Variants in ADGB observed in about 807,000 individuals in gnomAD.
The protein encoded by ADGB is calpain-7-like protein.
Under a neutral mutation model 210.5 loss-of-function variants are expected in ADGB, and 172 were observed. The observed-to-expected ratio is 0.82, with a 90% confidence interval of 0.72 to 0.93. The LOEUF (loss-of-function observed/expected upper bound fraction) is 0.93. Among genes scored for constraint, ADGB ranks in the 40% least tolerant of loss-of-function variants. ADGB has a pLI of 0.00. For missense variants in ADGB, 2,025 were observed against 1,964.8 expected (o/e 1.03, Z -0.58); for synonymous variants, 658 against 662.7 (o/e 0.99, Z 0.11).
intron 7 of ADGB, among the ~76,000 whole-genome samples, chr6:146,669,348 C>T (rs1270903434): frequency 6.6e-6 from 1 of 151,366 alleles, no homozygotes; most frequent in Non-Finnish European, 1.5e-5. Context: ...TTGTTTTCCT[C>T]AGGAAAAAAA....
In ADGB at chr6:146,730,455, A is replaced by G. The variant is rs909600856; in HGVS notation, c.2520+1714A>G. Among the ~76,000 whole-genome samples, 7 of 152,204 alleles carry G rather than the reference A, an allele frequency of 4.6e-5. No homozygotes were observed. The South Asian group carries it at 8.3e-4, about 18-fold the overall frequency. On this transcript the variant is annotated intron_variant, in intron 20 of 35. Coordinates refer to ENST00000397944, the MANE Select transcript of ADGB (RefSeq NM_024694.4). The stretch of plus-strand genomic sequence containing the variant: ...ATGTAGTCTTCAAGGAAAAGACTCC[A>G]TATCACCTCTTGCCACACAACATAT...
At chr6:146,692,277 TA>T (rs1327381706) in intron 11 of ADGB, among the ~76,000 whole-genome samples, 1 of 152,170 alleles carries the variant, frequency 6.6e-6, no homozygotes, top group East Asian at 1.9e-4. Flanking sequence ...CTGTGTCCTT[TA>T]TTCATTGAGA....
At chr6:146,726,584 A>T (rs573839626) in intron 19 of ADGB, among the ~76,000 whole-genome samples, 1 of 152,162 alleles carries the variant, frequency 6.6e-6, no homozygotes, top group Non-Finnish European at 1.5e-5. Context: ...TTTTTATTTT[A>T]TACTCAACTT....
intron 1 of ADGB, among the ~76,000 whole-genome samples, chr6:146,633,328 G>T (rs978473982): frequency 1.3e-5 from 2 of 151,788 alleles, no homozygotes; most frequent in African/African-American, 4.8e-5. Flanking sequence ...TCTTCCTTTG[G>T]TCTTTTTCAA....
intron 21 of ADGB, 137 bp from the exon 22 acceptor site, chr6:146,733,756 C>A (rs114571985): frequency 6.4e-6 from 6 of 934,380 alleles, no homozygotes; most frequent in Non-Finnish European, 9.8e-6. Flanking sequence ...CACCTAGAGC[C>A]GGCAATATTA....
intron 33 of ADGB, among the ~76,000 whole-genome samples, chr6:146,788,940 T>G (rs1249074798): frequency 6.6e-6 from 1 of 152,212 alleles, no homozygotes; most frequent in Non-Finnish European, 1.5e-5. Context: ...GATTTTTTTG[T>G]GTTATCTGTA....
chr6:146,700,744 T>C (rs1776478042), intron 12 of ADGB, among the ~76,000 whole-genome samples, 197 bp from the exon 13 acceptor site: 1 of 152,140 alleles, frequency 6.6e-6, no homozygotes, highest in South Asian at 2.1e-4. Flanking sequence ...TTGACTAATA[T>C]ACAGTATTTT....
intron 28 of ADGB, among the ~76,000 whole-genome samples, chr6:146,767,223 T>C (rs1258903178): frequency 1.3e-5 from 2 of 152,198 alleles, no homozygotes; most frequent in East Asian, 3.8e-4. Context: ...ACTATTATGA[T>C]AATGGAAAGC....
At chr6:146,616,085 G>T (rs1001936721) in intron 1 of ADGB, among the ~76,000 whole-genome samples, 3 of 151,902 alleles carry the variant, frequency 2.0e-5, no homozygotes, top group Non-Finnish European at 2.9e-5. Context: ...GTTATTTTTT[G>T]TCTTTTTGAT....
At chr6:146,764,161 ATCATTTCCCT>A in intron 28 of ADGB, 61 bp downstream of exon 28, 1 of 1,378,106 alleles carries the variant, frequency 7.3e-7, no homozygotes, top group Non-Finnish European at 9.8e-7. Context: ...AAACAAAACA[ATCATTTCCCT>A]AAAAATAGTC....
Position 146,745,914 on chromosome 6 carries a change from T to C in ADGB, c.3178-8T>C. On this transcript the variant is annotated splice_polypyrimidine_tract_variant and splice_region_variant and intron_variant, in intron 25 of 35. Coordinates refer to ENST00000397944, the MANE Select transcript of ADGB (RefSeq NM_024694.4). Reference sequence around the variant, plus strand: ...AATTCATTTCTGTGTAATTTGTCTTTCTTATAGAAGGGATACACTTTTGTG... The same window carrying C: ...AATTCATTTCTGTGTAATTTGTCTTCCTTATAGAAGGGATACACTTTTGTG... The C allele has an allele frequency of 6.5e-7, 1 of 1,534,672 alleles. No homozygotes were observed. The highest frequency in any genetic ancestry group is 8.8e-7 in the Non-Finnish European group (1 of 1,137,410).
At chr6:146,739,694 A>G (rs1417933709) in intron 23 of ADGB, among the ~76,000 whole-genome samples, 1 of 152,176 alleles carries the variant, frequency 6.6e-6, no homozygotes, top group Non-Finnish European at 1.5e-5. Context: ...AGACCTCTAA[A>G]AGAGAACCAT....
At position 146,745,915 on chromosome 6, in the gene ADGB, C is replaced by T. The variant is rs1054923586; in HGVS notation, c.3178-7C>T. On this transcript the variant is annotated splice_polypyrimidine_tract_variant and splice_region_variant and intron_variant, in intron 25 of 35. Coordinates refer to ENST00000397944, the MANE Select transcript of ADGB (RefSeq NM_024694.4). Reference sequence around the variant, plus strand: ...ATTCATTTCTGTGTAATTTGTCTTTCTTATAGAAGGGATACACTTTTGTGG... The same window carrying T: ...ATTCATTTCTGTGTAATTTGTCTTTTTTATAGAAGGGATACACTTTTGTGG... 4 of 1,534,436 alleles carry T rather than the reference C, an allele frequency of 2.6e-6. No homozygotes were observed. The African/African-American group carries it at 4.1e-5, about 16-fold the overall frequency.
At chr6:146,764,466 G>A (rs1777545143) in intron 28 of ADGB, among the ~76,000 whole-genome samples, 1 of 151,944 alleles carries the variant, frequency 6.6e-6, no homozygotes, top group Non-Finnish European at 1.5e-5. Flanking sequence ...TAATTTGTAT[G>A]TGCTTACAAT....
At chr6:146,630,826 T>A (rs1417742220) in intron 1 of ADGB, among the ~76,000 whole-genome samples, 9 of 152,194 alleles carry the variant, frequency 5.9e-5, no homozygotes, top group Non-Finnish European at 1.3e-4. Flanking sequence ...ATAAGAAAGC[T>A]AACTTTTCAC....
chr6:146,630,546 A>AAAACAAAC (rs142378334), intron 1 of ADGB, among the ~76,000 whole-genome samples: 3 of 152,016 alleles, frequency 2.0e-5, no homozygotes, highest in African/African-American at 7.3e-5. Flanking sequence ...TGCTTCTTAA[A>AAAACAAAC]AAACAAACAA....
chr6:146,616,970 A>G (rs1427264430), intron 1 of ADGB, among the ~76,000 whole-genome samples: 1 of 151,992 alleles, frequency 6.6e-6, no homozygotes, highest in Non-Finnish European at 1.5e-5. Context: ...AGTTTTTTCC[A>G]TTTCTCTGAA....
intron 2 of ADGB, among the ~76,000 whole-genome samples, chr6:146,643,718 G>A (rs1358533441): frequency 1.3e-5 from 2 of 151,858 alleles, no homozygotes; most frequent in Non-Finnish European, 2.9e-5. Flanking sequence ...GATGTTCACA[G>A]CAGCTTTATT....
intron 1 of ADGB, among the ~76,000 whole-genome samples, chr6:146,618,934 G>C: frequency 6.6e-6 from 1 of 151,932 alleles, no homozygotes; most frequent in East Asian, 1.9e-4. Flanking sequence ...TCTGTCCAAT[G>C]CTGAAATCCT....
Sources: gnomAD v4.1 joint callset for allele counts (sites outside exome capture counted in the v4.1 genomes callset) on GRCh38, gnomAD v4.1.1 for gene constraint, MANE v1.5 for transcripts, NCBI Gene and HGNC (gene_info 2026-07-23, HGNC 2026-07-21) for gene names.